The following UBE2W variants were observed in gnomAD, a reference collection of about 807,000 sequenced individuals.
The protein encoded by UBE2W is ubiquitin conjugating enzyme E2 W, also known as ubiquitin-conjugating enzyme E2 W.
A neutral mutation model predicts 27.2 loss-of-function variants in UBE2W; 18 were observed. The observed-to-expected ratio is 0.66, with a 90% CI of 0.46 to 0.98. UBE2W has a LOEUF of 0.98. Among genes scored for constraint, UBE2W ranks in the 50% least tolerant of loss-of-function variants. UBE2W has a pLI of 0.00. For missense variants in UBE2W, 90 were observed against 180.2 expected, an observed-to-expected ratio of 0.50 and a Z score of 2.87; for synonymous variants, 53 against 57.2, an observed-to-expected ratio of 0.93 and a Z score of 0.33.
intron 1 of UBE2W, among the ~76,000 whole-genome samples, chr8:73,835,724 G>A (rs148144232): frequency 1.6e-4 from 24 of 152,138 alleles, no homozygotes; most frequent in African/African-American, 5.3e-4. Flanking sequence ...GCCTGGGCGA[G>A]AGAGCGAGAC....
chr8:73,799,727 T>C (rs1209298039), intron 5 of UBE2W, among the ~76,000 whole-genome samples: 2 of 152,190 alleles, frequency 1.3e-5, no homozygotes, highest in African/African-American at 4.8e-5. Context: ...TTCCACTTAG[T>C]TTCTAGAAAC....
intron 1 of UBE2W, among the ~76,000 whole-genome samples, chr8:73,878,581 T>C (rs1812342089): frequency 6.6e-6 from 1 of 151,826 alleles, no homozygotes; most frequent in Non-Finnish European, 1.5e-5. Context: ...TCACCCAACT[T>C]CCCGGCCGGC....
intron 1 of UBE2W, among the ~76,000 whole-genome samples, chr8:73,839,887 A>G (rs1309045465): frequency 4.0e-5 from 6 of 151,274 alleles, no homozygotes; most frequent in Non-Finnish European, 8.8e-5. Flanking sequence ...ATGCATCACC[A>G]CACCTGGCTA....
chr8:73,830,447 G>C lies in UBE2W; in HGVS notation c.41C>G (p.Ala14Gly). The change falls in exon 2 of 6, where the codon GCT (alanine) becomes GGT (glycine). Residue 14 changes from alanine (A) to glycine (G), a missense_variant. By Grantham distance (60) the Ala-to-Gly change is moderately conservative. Transcript: ENST00000602593. ...TCCAGGAGGTGGGTCATTTTGCAAA[G>C]CCAACAGTTCTTTCTGTAGTCGTTT... Reference protein sequence around the residue: ...MQKRLQKELLALQNDPPPGMT... With the variant: ...MQKRLQKELLGLQNDPPPGMT... The C allele has an allele frequency of 6.2e-7, 1 of 1,613,708 alleles. No homozygotes were observed. The highest frequency in any genetic ancestry group is 8.5e-7 in the Non-Finnish European group (1 of 1,179,728).
chr8:73,828,503 A>G (rs1809942368), intron 2 of UBE2W, among the ~76,000 whole-genome samples: 1 of 152,182 alleles, frequency 6.6e-6, no homozygotes, highest in Admixed American at 6.5e-5. Flanking sequence ...CGAAATGAGT[A>G]TAGTTAGTTC....
intron 1 of UBE2W, among the ~76,000 whole-genome samples, chr8:73,856,711 AT>A (rs1235370477): frequency 3.5e-4 from 50 of 144,820 alleles, no homozygotes; most frequent in Admixed American, 4.2e-4. Flanking sequence ...GCAGGAATAA[AT>A]TTTTTTTTTT....
At chr8:73,854,569 T>C (rs1387561782) in intron 1 of UBE2W, among the ~76,000 whole-genome samples, 1 of 152,230 alleles carries the variant, frequency 6.6e-6, no homozygotes, top group Non-Finnish European at 1.5e-5. Flanking sequence ...GAGGTCAATA[T>C]TTTCCAGTGA....
intron 1 of UBE2W, among the ~76,000 whole-genome samples, chr8:73,873,661 G>GA (rs1033222689): frequency 6.6e-6 from 1 of 151,928 alleles, no homozygotes; most frequent in African/African-American, 2.4e-5. Flanking sequence ...GTCTCAGAGA[G>GA]AAAAAATTTT....
chr8:73,805,166 G>GT (rs1432253894), intron 5 of UBE2W, among the ~76,000 whole-genome samples: 1 of 151,342 alleles, frequency 6.6e-6, no homozygotes, highest in Admixed American at 6.6e-5. Context: ...TAAAAATCTG[G>GT]TGTAGTGCTG....
intron 4 of UBE2W, among the ~76,000 whole-genome samples, chr8:73,808,763 A>G (rs1306814978): frequency 6.6e-6 from 1 of 152,210 alleles, no homozygotes; most frequent in Non-Finnish European, 1.5e-5. Context: ...GTAAAAACAT[A>G]GTTTATTAGT....
intron 1 of UBE2W, among the ~76,000 whole-genome samples, chr8:73,835,260 C>T (rs1300992290): frequency 1.3e-5 from 2 of 151,950 alleles, no homozygotes; most frequent in African/African-American, 4.8e-5. Flanking sequence ...TCTCCTTACC[C>T]TTAGACTTCT....
chr8:73,784,861 T>C (rs1807907957), downstream of UBE2W, among the ~76,000 whole-genome samples: 1 of 152,156 alleles, frequency 6.6e-6, no homozygotes, highest in South Asian at 2.1e-4. Flanking sequence ...GTAGCTCAGT[T>C]TCATAACTAT....
Position 73,793,883 on chromosome 8 carries a change from T to C in UBE2W, c.*219A>G, listed in dbSNP as rs1188656536. ...TATTTGACATTTCCTGACACCTGCA[T>C]TAATACTGTATGACTAATAAAAGCA... is the stretch of plus-strand genomic sequence containing the variant. On this transcript the variant is annotated 3_prime_UTR_variant, in exon 6 of 6. Transcript: ENST00000602593. The C allele has an allele frequency of 7.4e-7, 1 of 1,358,118 alleles. No homozygotes were observed. The highest frequency in any genetic ancestry group is 9.5e-7 in the Non-Finnish European group (1 of 1,050,136). 84.1% of individuals were successfully genotyped at this position (1,358,118 alleles called of 1,614,324 possible). A position where few individuals can be genotyped will look rare whatever the true frequency, so the allele number is the denominator to read the frequency against.
In UBE2W at chr8:73,788,266, A is replaced by T; in HGVS notation, c.*5836T>A. 1 of 963,956 alleles carries T rather than the reference A, an allele frequency of 1.0e-6. No individual in the cohort carries two copies. The highest frequency in any genetic ancestry group is 1.8e-5 in the African/African-American group (1 of 56,926). 59.7% of individuals were successfully genotyped at this position (963,956 alleles called of 1,614,324 possible). ...CTGTTTTAACATTTATATTCTATTT[A>T]AAAAGTAGTGACTTTACATATTTTG... On this transcript the variant is annotated 3_prime_UTR_variant, in exon 6 of 6. Coordinates refer to ENST00000602593, the MANE Select transcript of UBE2W (RefSeq NM_018299.6).
chr8:73,826,456 CA>C (rs1461794250), intron 2 of UBE2W, among the ~76,000 whole-genome samples: 1 of 151,986 alleles, frequency 6.6e-6, no homozygotes, highest in East Asian at 1.9e-4. Flanking sequence ...TACAAGAAAA[CA>C]AAAGGAAGAT....
At chr8:73,863,592 A>AG (rs1491226049) in intron 1 of UBE2W, among the ~76,000 whole-genome samples, 205 of 44,346 alleles carry the variant, frequency 4.6e-3, no homozygotes, top group African/African-American at 9.9e-3. Flanking sequence ...AAAAAAAAAG[A>AG]AAAAAAAATA....
At chr8:73,844,578 G>A (rs867272726) in intron 1 of UBE2W, among the ~76,000 whole-genome samples, 88 of 152,106 alleles carry the variant, frequency 5.8e-4, no homozygotes, top group Non-Finnish European at 1.1e-3. Context: ...CCCCGTCTAG[G>A]AAGTGAGGAG....
downstream of UBE2W, among the ~76,000 whole-genome samples, chr8:73,783,510 T>C (rs953470327): frequency 2.0e-5 from 3 of 152,218 alleles, no homozygotes; most frequent in South Asian, 4.1e-4. Flanking sequence ...TGACCGTATT[T>C]CTGGACTCTC....
At position 73,792,583 on chromosome 8, in the gene UBE2W, G is replaced by A; in HGVS notation, c.*1519C>T. Reference sequence around the variant, plus strand: ...AAACCTTTCAGCCAACTGGCTTTCAGTTTTAAGCCCAAATTGATTCATATA... The same window carrying A: ...AAACCTTTCAGCCAACTGGCTTTCAATTTTAAGCCCAAATTGATTCATATA... On this transcript the variant is annotated 3_prime_UTR_variant, in exon 6 of 6. Transcript: ENST00000602593. The A allele has an allele frequency of 1.0e-6, 1 of 985,716 alleles. No homozygotes were observed. The highest frequency in any genetic ancestry group is 1.2e-6 in the Non-Finnish European group (1 of 829,828). The allele number at this position is 985,716 out of a possible 1,614,324, so 61.1% of individuals were successfully genotyped here.
Sources: gnomAD v4.1 joint callset for allele counts (sites outside exome capture counted in the v4.1 genomes callset) on GRCh38, gnomAD v4.1.1 for gene constraint, MANE v1.5 for transcripts, NCBI Gene and HGNC (gene_info 2026-07-23, HGNC 2026-07-21) for gene names.